DENND5B: variants seen among roughly 807,000 people sequenced by gnomAD.
DENND5B encodes the protein DENN domain-containing protein 5B.
Under a neutral mutation model 140.6 loss-of-function variants are expected in DENND5B, and 34 were observed. That is an observed-to-expected ratio of 0.24 (90% CI 0.18 to 0.32). The LOEUF is 0.32. Among genes scored for constraint, DENND5B ranks in the 10% least tolerant of loss-of-function variants. The pLI is 1.00. For synonymous variants in DENND5B, 551 were observed against 562.1 expected (o/e 0.98, Z 0.28); for missense variants, 1,142 against 1,560.2 (o/e 0.73, Z 4.52).
intron 1 of DENND5B, chr12:31,506,296 A>AT (rs1947199535): frequency 6.6e-6 from 1 of 151,874 alleles, no homozygotes; most frequent in Admixed American, 6.6e-5. Context: ...TTATTTATTT[A>AT]TTTTTTTAAA....
intron 3 of DENND5B, among the ~76,000 whole-genome samples, chr12:31,473,813 G>T (rs1945666758): frequency 6.6e-6 from 1 of 152,188 alleles, no homozygotes; most frequent in South Asian, 2.1e-4. Flanking sequence ...TATTGAAAAA[G>T]AAATGGTTTA....
Position 31,549,532 on chromosome 12 carries a change from T to TTTTTTA in DENND5B, c.127+41168_127+41173dup, listed in dbSNP as rs1297188284. 3.3e-5 allele frequency among the ~76,000 whole-genome samples: 5 copies of TTTTTTA among 152,148 alleles called. No individual in the cohort carries two copies. The East Asian group carries it at 7.7e-4, about 23-fold the overall frequency. On this transcript the variant is annotated intron_variant, in intron 1 of 20. Coordinates refer to ENST00000389082, the MANE Select transcript of DENND5B (RefSeq NM_144973.4). ...ATTCTTTTTTTTTAATGTGACTATTTTTTTTAATTTTTATTTTTATTTTAA... is the reference window on the plus strand; with the variant it reads ...ATTCTTTTTTTTTAATGTGACTATTTTTTTTATTTTTAATTTTTATTTTTATTTTAA...
intron 5 of DENND5B, among the ~76,000 whole-genome samples, chr12:31,448,022 C>T (rs1565587535): frequency 6.6e-6 from 1 of 151,876 alleles, no homozygotes; most frequent in Non-Finnish European, 1.5e-5. Flanking sequence ...CATTATGTAG[C>T]AAAGAGGGCA....
At chr12:31,457,894 T>G (rs1944851786) in intron 4 of DENND5B, among the ~76,000 whole-genome samples, 1 of 151,980 alleles carries the variant, frequency 6.6e-6, no homozygotes, top group African/African-American at 2.4e-5. Context: ...TTTTGTATTT[T>G]TAGTAGAGAC....
chr12:31,398,047 T>A (rs1565539947), intron 17 of DENND5B, 128 bp downstream of exon 17: 1 of 927,842 alleles, frequency 1.1e-6, no homozygotes, highest in Non-Finnish European at 1.5e-6. Flanking sequence ...TGAATATTTA[T>A]GAATTTTCCT....
In DENND5B at chr12:31,503,405, TA is replaced by T. The variant is rs201007692; in HGVS notation, c.128-7487del. On this transcript the variant is annotated intron_variant, in intron 1 of 20. Transcript: ENST00000389082. ...TAAAACCCTGTCTCTACAAAAAATA[TA>T]AAAATTAGCTGGGCGTGGTGGCAGG... is the stretch of plus-strand genomic sequence containing the variant. Among the ~76,000 whole-genome samples, 569 of 151,892 alleles carry T rather than the reference TA, an allele frequency of 3.7e-3. 9 individuals are homozygous for T. Among genetic ancestry groups the T allele is most frequent in the Admixed American group, 0.035 (537 of 15,256 alleles).
chr12:31,575,204 G>A (rs1475847208), intron 1 of DENND5B, among the ~76,000 whole-genome samples: 1 of 152,150 alleles, frequency 6.6e-6, no homozygotes, highest in Non-Finnish European at 1.5e-5. Context: ...TGAAGTTGAG[G>A]ATAACTTAAC....
At chr12:31,518,167 C>T (rs1448439216) in intron 1 of DENND5B, among the ~76,000 whole-genome samples, 1 of 152,220 alleles carries the variant, frequency 6.6e-6, no homozygotes, top group African/African-American at 2.4e-5. Flanking sequence ...TCCTCCTCAA[C>T]CAGACTGGAT....
intron 3 of DENND5B, among the ~76,000 whole-genome samples, chr12:31,475,720 G>T (rs1258272838): frequency 6.6e-6 from 1 of 152,132 alleles, no homozygotes; most frequent in African/African-American, 2.4e-5. Context: ...CTGCATTCCA[G>T]CCTGGGCACC....
intron 1 of DENND5B, among the ~76,000 whole-genome samples, chr12:31,586,869 A>G (rs1404421842): frequency 2.6e-5 from 4 of 152,270 alleles, no homozygotes; most frequent in African/African-American, 9.6e-5. Flanking sequence ...AAACTTGACT[A>G]TCATTAACTT....
At chr12:31,549,384 C>A (rs1592027073) in intron 1 of DENND5B, among the ~76,000 whole-genome samples, 1 of 152,060 alleles carries the variant, frequency 6.6e-6, no homozygotes, top group Non-Finnish European at 1.5e-5. Context: ...CTTAAGGTTA[C>A]AATTTTTAAA....
At chr12:31,468,247 C>T (rs1591849466) in intron 3 of DENND5B, among the ~76,000 whole-genome samples, 1 of 152,130 alleles carries the variant, frequency 6.6e-6, no homozygotes, top group East Asian at 1.9e-4. Flanking sequence ...GAGCAAGACC[C>T]TGTCTCAAAT....
At chr12:31,527,816 T>C (rs995296799) in intron 1 of DENND5B, among the ~76,000 whole-genome samples, 9 of 152,076 alleles carry the variant, frequency 5.9e-5, no homozygotes, top group African/African-American at 1.9e-4. Context: ...GTATTAATAA[T>C]AGGCTTTATG....
At chr12:31,533,175 C>T (rs1286916728) in intron 1 of DENND5B, among the ~76,000 whole-genome samples, 1 of 152,094 alleles carries the variant, frequency 6.6e-6, no homozygotes, top group Non-Finnish European at 1.5e-5. Context: ...AATTTGCCCT[C>T]CTATTACAGC....
intron 7 of DENND5B, among the ~76,000 whole-genome samples, chr12:31,440,376 T>C (rs370971427): frequency 6.6e-6 from 1 of 152,090 alleles, no homozygotes; most frequent in South Asian, 2.1e-4. Flanking sequence ...TCAGTGTGTA[T>C]AAAAGCAGGG....
chr12:31,552,474 T>C (rs1461830020), intron 1 of DENND5B, among the ~76,000 whole-genome samples: 2 of 152,248 alleles, frequency 1.3e-5, no homozygotes, highest in Non-Finnish European at 1.5e-5. Flanking sequence ...CAGTATTTTA[T>C]TGAGGATTTT....
In DENND5B at chr12:31,480,109, G is replaced by C; in HGVS notation, c.384C>G (p.Ile128Met). 4 of 1,613,620 alleles carry C rather than the reference G, an allele frequency of 2.5e-6. No individual in the cohort carries two copies. Among genetic ancestry groups the C allele is most frequent in the Non-Finnish European group, 3.4e-6 (4 of 1,179,698 alleles). ...GGTAAAGTGTCTGCATTGCTGTGCA[G>C]ATTTGCTTACTTGTAACTTCTTCAT... Reference protein sequence around the residue: ...TFYEEVTSKQICTAMQTLYQM... With the variant: ...TFYEEVTSKQMCTAMQTLYQM... The change falls in exon 3 of 21, where the codon ATC becomes ATG. Residue 128 changes from isoleucine to methionine, a missense_variant. Ile to Met is a conservative substitution (Grantham distance 10, BLOSUM62 1). Around this residue, in one of 5 missense-constraint regions of DENND5B, gnomAD observed 708 missense variants for 905.5 expected, o/e 0.78. Transcript: ENST00000389082.
intron 7 of DENND5B, among the ~76,000 whole-genome samples, 182 bp from the exon 8 acceptor site, chr12:31,433,430 G>C (rs991348656): frequency 6.6e-6 from 1 of 151,764 alleles, no homozygotes; most frequent in East Asian, 1.9e-4. Flanking sequence ...ACAACCAAAC[G>C]GTTTTTAGTA....
At chr12:31,416,668 A>C (rs2137610669) in intron 11 of DENND5B, among the ~76,000 whole-genome samples, 1 of 152,250 alleles carries the variant, frequency 6.6e-6, no homozygotes, top group African/African-American at 2.4e-5. Flanking sequence ...TGGGCTCATG[A>C]ACTGAAGTCA....
Sources: gnomAD v4.1 joint callset for allele counts (sites outside exome capture counted in the v4.1 genomes callset) on GRCh38, gnomAD v4.1.1 for gene constraint, gnomAD v4.1.1 regional missense constraint, MANE v1.5 for transcripts, NCBI Gene and HGNC (gene_info 2026-07-23, HGNC 2026-07-21) for gene names.